KCND2: variants seen among roughly 807,000 people sequenced by gnomAD.
KCND2 encodes potassium voltage-gated channel subfamily D member 2, also known as A-type voltage-gated potassium channel KCND2.
A neutral mutation model predicts 54.4 loss-of-function variants in KCND2; 16 were observed. The ratio of observed to expected loss-of-function variants is 0.29; its 90% CI spans 0.20 to 0.45. The LOEUF (loss-of-function observed/expected upper bound fraction) is 0.45, where lower values mean the gene tolerates loss of function less well. KCND2 is among the 20% of genes least tolerant of loss of function. The probability of loss-of-function intolerance (pLI) is 1.00; values close to 1 mark genes in which losing one functional copy is unlikely to be tolerated. For synonymous variants in KCND2, 317 were observed against 310.7 expected, an observed-to-expected ratio of 1.02 and a Z score of -0.21; for missense variants, 486 against 824.2, an observed-to-expected ratio of 0.59 and a Z score of 5.02.
intron 1 of KCND2, among the ~76,000 whole-genome samples, chr7:120,341,733 C>A (rs989915472): frequency 6.6e-6 from 1 of 152,066 alleles, no homozygotes; most frequent in Non-Finnish European, 1.5e-5. Context: ...GGAAGGATAT[C>A]ATATATGTGT....
chr7:120,562,564 ATTTT>A (rs375770881), intron 1 of KCND2, among the ~76,000 whole-genome samples: 2 of 151,504 alleles, frequency 1.3e-5, no homozygotes, highest in Admixed American at 6.6e-5. Flanking sequence ...GCAGAAAAGG[ATTTT>A]TTTTTCTGAA....
At chr7:120,355,828 C>T (rs951394794) in intron 1 of KCND2, among the ~76,000 whole-genome samples, 10 of 152,112 alleles carry the variant, frequency 6.6e-5, no homozygotes, top group East Asian at 1.9e-4. Context: ...ATGTCGTCAT[C>T]GAAATTTGTT....
At chr7:120,399,024 C>A (rs141139537) in intron 1 of KCND2, among the ~76,000 whole-genome samples, 2 of 151,854 alleles carry the variant, frequency 1.3e-5, no homozygotes, top group Non-Finnish European at 2.9e-5. Flanking sequence ...TCACCTTTTG[C>A]GCTCTTTGCT....
At chr7:120,402,238 C>A (rs1801272376) in intron 1 of KCND2, among the ~76,000 whole-genome samples, 1 of 152,092 alleles carries the variant, frequency 6.6e-6, no homozygotes, top group Admixed American at 6.6e-5. Context: ...TAGCCATCAG[C>A]AAAGCTTTTG....
intron 1 of KCND2, among the ~76,000 whole-genome samples, chr7:120,611,846 C>T (rs1584853645): frequency 6.6e-6 from 1 of 152,092 alleles, no homozygotes; most frequent in Non-Finnish European, 1.5e-5. Flanking sequence ...AAACCACTAA[C>T]AGATGTTAGA....
chr7:120,314,812 T>C (rs894917156), intron 1 of KCND2, among the ~76,000 whole-genome samples: 25 of 152,210 alleles, frequency 1.6e-4, no homozygotes, highest in Non-Finnish European at 2.5e-4. Context: ...TGAATCCACA[T>C]TGAATATGAA....
chr7:120,367,561 A>G (rs1254724778), intron 1 of KCND2, among the ~76,000 whole-genome samples: 4 of 151,218 alleles, frequency 2.6e-5, no homozygotes, highest in Non-Finnish European at 4.4e-5. Context: ...GAAAATCCAT[A>G]GTTAAAAAAA....
chr7:120,370,626 T>C (rs1750923858), intron 1 of KCND2, among the ~76,000 whole-genome samples: 1 of 152,004 alleles, frequency 6.6e-6, no homozygotes, highest in Non-Finnish European at 1.5e-5. Context: ...GAGTAAACAC[T>C]CAAAACATCC....
At chr7:120,709,443 C>T (rs1792511284) in intron 1 of KCND2, among the ~76,000 whole-genome samples, 1 of 152,106 alleles carries the variant, frequency 6.6e-6, no homozygotes, top group Non-Finnish European at 1.5e-5. Context: ...ATAGAACTAA[C>T]TCAATTGTTT....
intron 1 of KCND2, among the ~76,000 whole-genome samples, chr7:120,309,181 A>C (rs529931884): frequency 6.4e-4 from 97 of 152,206 alleles, no homozygotes; most frequent in Non-Finnish European, 1.3e-3. Context: ...TATAGGGAAG[A>C]GCTAGACCTT....
chr7:120,573,380 A>G (rs1792389337), intron 1 of KCND2, among the ~76,000 whole-genome samples: 1 of 152,256 alleles, frequency 6.6e-6, no homozygotes, highest in Non-Finnish European at 1.5e-5. Context: ...AAATGTTGAA[A>G]GTCTCTATCA....
chr7:120,740,956 T>G (rs1372510866), intron 2 of KCND2: 1 of 452,550 alleles, frequency 2.2e-6, no homozygotes, highest in Admixed American at 2.4e-5. Flanking sequence ...CCATGTTGTT[T>G]GGCATGGGAT....
At chr7:120,434,222 G>A (rs1801834476) in intron 1 of KCND2, among the ~76,000 whole-genome samples, 1 of 152,218 alleles carries the variant, frequency 6.6e-6, no homozygotes, top group Admixed American at 6.5e-5. Context: ...GCGTGGTTAT[G>A]AGGCCAAACT....
At chr7:120,423,635 G>A (rs185792561) in intron 1 of KCND2, among the ~76,000 whole-genome samples, 16 of 152,310 alleles carry the variant, frequency 1.1e-4, no homozygotes, top group Admixed American at 7.8e-4. Context: ...GGACACAGTT[G>A]AAACTGGACT....
chr7:120,340,531 A>C (rs1454258240), intron 1 of KCND2, among the ~76,000 whole-genome samples: 1 of 152,192 alleles, frequency 6.6e-6, no homozygotes, highest in Non-Finnish European at 1.5e-5. Flanking sequence ...ATGAAATGTC[A>C]GGTAGGCAGG....
At chr7:120,486,326 A>G (rs1802692114) in intron 1 of KCND2, among the ~76,000 whole-genome samples, 1 of 152,196 alleles carries the variant, frequency 6.6e-6, no homozygotes, top group African/African-American at 2.4e-5. Flanking sequence ...AGAACTAAAA[A>G]CAATGAAACC....
rs1584869507 is a variant in KCND2, at chr7:120,650,743, G to GT, written c.1116-82156dup. On this transcript the variant is annotated intron_variant, in intron 1 of 5. Transcript: ENST00000331113. ...GCTCTTTTTGTTCCCCGTTTTTGTG[G>GT]TTTTATCTACCTTTGGTCTTTCATG... Among the ~76,000 whole-genome samples the GT allele has an allele frequency of 4.9e-5, 7 of 143,556 alleles. No homozygotes were observed. In the East Asian group the frequency reaches 1.4e-3, roughly 28 times the overall value. The allele number at this position is 143,556 out of a possible 152,430, so 94.2% of individuals were successfully genotyped here.
chr7:120,499,875 A>C (rs1029589055), intron 1 of KCND2, among the ~76,000 whole-genome samples: 15 of 152,170 alleles, frequency 9.9e-5, no homozygotes, highest in Non-Finnish European at 1.8e-4. Context: ...TTATCCTATT[A>C]GATGACTCAT....
chr7:120,664,341 T>C (rs1287665357), intron 1 of KCND2, among the ~76,000 whole-genome samples: 1 of 152,082 alleles, frequency 6.6e-6, no homozygotes, highest in Non-Finnish European at 1.5e-5. Context: ...ACATGTAAAA[T>C]TATACATATG....
Sources: allele counts gnomAD v4.1 joint callset (sites outside exome capture counted in the v4.1 genomes callset), GRCh38; gene constraint gnomAD v4.1.1; transcripts MANE v1.5; gene names NCBI Gene and HGNC (gene_info 2026-07-23, HGNC 2026-07-21).